Variants in CYRIA observed in about 807,000 individuals in gnomAD.
The protein encoded by CYRIA is CYFIP related Rac1 interactor A, also known as CYFIP-related Rac1 interactor A.
A neutral mutation model predicts 43.9 loss-of-function variants in CYRIA; 15 were observed. The observed-to-expected ratio is 0.34, with a 90% CI of 0.23 to 0.53. The LOEUF (loss-of-function observed/expected upper bound fraction) is 0.53, where lower values mean the gene tolerates loss of function less well. Among genes scored for constraint, CYRIA ranks in the 20% least tolerant of loss-of-function variants. The probability of loss-of-function intolerance (pLI) is 0.94; values close to 1 mark genes in which losing one functional copy is unlikely to be tolerated. For synonymous variants in CYRIA, 117 were observed against 136.0 expected, an observed-to-expected ratio of 0.86 and a Z score of 0.97; for missense variants, 236 against 394.2, an observed-to-expected ratio of 0.60 and a Z score of 3.40.
intron 10 of CYRIA, among the ~76,000 whole-genome samples, chr2:16,558,066 A>G (rs915383312): frequency 1.2e-4 from 18 of 152,290 alleles, no homozygotes; most frequent in African/African-American, 4.3e-4. Flanking sequence ...TTTGTTAAGG[A>G]CATCCACACA....
At chr2:16,571,194 C>T (rs1667115513) in intron 3 of CYRIA, among the ~76,000 whole-genome samples, 1 of 152,158 alleles carries the variant, frequency 6.6e-6, no homozygotes, top group African/African-American at 2.4e-5. Flanking sequence ...AGCATAAGTA[C>T]CTTATACATT....
Position 16,650,465 on chromosome 2 carries a change from T to C in CYRIA, c.-167+15315A>G, listed in dbSNP as rs567870114. Among the ~76,000 whole-genome samples the C allele has an allele frequency of 1.3e-5, 2 of 152,374 alleles. No individual in the cohort carries two copies. Among genetic ancestry groups the C allele is most frequent in the Non-Finnish European group, 1.5e-5 (1 of 68,044 alleles). The stretch of plus-strand genomic sequence containing the variant: ...AAATCATAAAGGTTTCATTGGTCTC[T>C]GGGCCAGTTCCTGATATCAGGGATG... On this transcript the variant is annotated intron_variant, in intron 1 of 11. Transcript: ENST00000381323. This position sits in a 1 kb window ranked among gnomAD's most constrained non-coding sequence, Gnocchi z 4.1.
At chr2:16,584,089 A>G (rs1667643518) in intron 3 of CYRIA, among the ~76,000 whole-genome samples, 1 of 152,108 alleles carries the variant, frequency 6.6e-6, no homozygotes, top group Admixed American at 6.5e-5. Context: ...CCTTCCCACC[A>G]TCTCTTCCTC....
intron 2 of CYRIA, among the ~76,000 whole-genome samples, chr2:16,620,953 C>T (rs936701197): frequency 6.6e-6 from 1 of 152,198 alleles, no homozygotes; most frequent in African/African-American, 2.4e-5. Context: ...TCCCAAGAAG[C>T]TTCCATGGTT....
At chr2:16,654,553 G>A (rs536691074) in intron 1 of CYRIA, among the ~76,000 whole-genome samples, 20 of 152,258 alleles carry the variant, frequency 1.3e-4, no homozygotes, top group South Asian at 1.0e-3. Flanking sequence ...GTATGGAAAC[G>A]TGTAGAAGTT....
At chr2:16,562,987 T>C (rs1182659477) in intron 5 of CYRIA, among the ~76,000 whole-genome samples, 3 of 152,186 alleles carry the variant, frequency 2.0e-5, no homozygotes, top group South Asian at 2.1e-4. Flanking sequence ...ATCTGCTCTA[T>C]GTAGTTCTTA....
intron 1 of CYRIA, among the ~76,000 whole-genome samples, chr2:16,632,763 G>T (rs772469270): frequency 6.6e-6 from 1 of 152,134 alleles, no homozygotes; most frequent in Non-Finnish European, 1.5e-5. Context: ...TATGATGCTG[G>T]CAAGGGTCAT....
At chr2:16,582,803 A>G (rs1393786968) in intron 3 of CYRIA, among the ~76,000 whole-genome samples, 3 of 152,226 alleles carry the variant, frequency 2.0e-5, no homozygotes, top group Non-Finnish European at 2.9e-5. Flanking sequence ...GCTATTATAA[A>G]TAATGCTGCT....
Position 16,552,964 on chromosome 2 carries a change from G to A in CYRIA, c.944C>T (p.Ser315Phe). 1 of 1,611,234 alleles carries A rather than the reference G, an allele frequency of 6.2e-7. No homozygotes were observed. Among genetic ancestry groups the A allele is most frequent in the South Asian group, 1.1e-5 (1 of 91,032 alleles). Residue 315 changes from serine to phenylalanine, a missense_variant, in exon 12 of 12, where the codon TCC becomes TTC. Transcript: ENST00000381323. ...TTKHLNDEST[S>F]KQIRAMLQ is the part of the protein sequence containing the mutation. ...CTGAAGCATTGCTCGAATCTGTTTG[G>A]AAGTTGATTCATCGTTCAAGTGCTT...
At chr2:16,612,982 G>A (rs1198609676) in intron 2 of CYRIA, among the ~76,000 whole-genome samples, 2 of 152,164 alleles carry the variant, frequency 1.3e-5, no homozygotes, top group Non-Finnish European at 2.9e-5. Context: ...CCCCGCACAA[G>A]CTTTCTTGCC....
chr2:16,642,625 T>TCAGACTCAGGGTG (rs111361003), intron 1 of CYRIA, among the ~76,000 whole-genome samples: 1,814 of 152,216 alleles, frequency 0.012, 39 homozygotes, highest in African/African-American at 0.041. Context: ...GCACCCTTCA[T>TCAGACTCAGGGTG]CAGACTCAGG....
chr2:16,565,337 C>A (rs555090632), intron 4 of CYRIA, among the ~76,000 whole-genome samples: 1 of 152,236 alleles, frequency 6.6e-6, no homozygotes, highest in East Asian at 1.9e-4. Flanking sequence ...GCACCTGCCA[C>A]CATGCCCAGC....
rs1350110931 is a variant in CYRIA, at chr2:16,561,285, AAAT to A, written c.514-11_514-9del. 6.3e-7 allele frequency: 1 copy of A among 1,589,970 alleles called. No homozygotes were observed. The highest frequency in any genetic ancestry group is 1.1e-5 in the South Asian group (1 of 90,524). Reference sequence around the variant, plus strand: ...TTCATTCTCAATGTCTAGCTGATGAAAATAAGAAGAGAAGATGGATTTATAAAG... The same window carrying A: ...TTCATTCTCAATGTCTAGCTGATGAAAAGAAGAGAAGATGGATTTATAAAG... On this transcript the variant is annotated splice_polypyrimidine_tract_variant and intron_variant, in intron 7 of 11. Transcript: ENST00000381323.
chr2:16,634,713 G>T (rs1485341618), intron 1 of CYRIA, among the ~76,000 whole-genome samples: 1 of 152,218 alleles, frequency 6.6e-6, no homozygotes, highest in African/African-American at 2.4e-5. Flanking sequence ...AGACTAATAT[G>T]TGATCAGCAG....
At chr2:16,620,861 C>G (rs975718342) in intron 2 of CYRIA, among the ~76,000 whole-genome samples, 1 of 152,138 alleles carries the variant, frequency 6.6e-6, no homozygotes, top group African/African-American at 2.4e-5. Context: ...TTCCTAACAC[C>G]CTTCCCTGAA....
At chr2:16,636,793 G>C (rs1366904748) in intron 1 of CYRIA, among the ~76,000 whole-genome samples, 1 of 134,262 alleles carries the variant, frequency 7.4e-6, no homozygotes, top group African/African-American at 3.3e-5. Flanking sequence ...CCAACCCCTT[G>C]CCAAAAAAAA....
At chr2:16,568,379 C>A (rs1422444472) in intron 3 of CYRIA, among the ~76,000 whole-genome samples, 3 of 152,064 alleles carry the variant, frequency 2.0e-5, no homozygotes, top group African/African-American at 7.2e-5. Flanking sequence ...TATGATGTTA[C>A]TCACAATATT....
intron 2 of CYRIA, among the ~76,000 whole-genome samples, chr2:16,611,717 C>G (rs1360266581): frequency 6.6e-6 from 1 of 151,806 alleles, no homozygotes; most frequent in Non-Finnish European, 1.5e-5. Flanking sequence ...AGAAAGGAGC[C>G]CAACGTCCTT....
intron 1 of CYRIA, among the ~76,000 whole-genome samples, chr2:16,658,426 C>T (rs1240692319): frequency 1.3e-5 from 2 of 152,220 alleles, no homozygotes; most frequent in Non-Finnish European, 2.9e-5. Flanking sequence ...ATATTCCTCA[C>T]AATATTCCTG....
Sources: gnomAD v4.1 joint callset for allele counts (sites outside exome capture counted in the v4.1 genomes callset) on GRCh38, gnomAD v4.1.1 for gene constraint, Gnocchi (gnomAD v3.1) non-coding constraint, MANE v1.5 for transcripts, NCBI Gene and HGNC (gene_info 2026-07-23, HGNC 2026-07-21) for gene names.